SLFN12: variants seen among roughly 807,000 people sequenced by gnomAD.
SLFN12 encodes schlafen family member 12.
Under a neutral mutation model 29.1 loss-of-function variants are expected in SLFN12, and 25 were observed. The ratio of observed to expected loss-of-function variants is 0.86; its 90% CI spans 0.63 to 1.20. The LOEUF is 1.20. Among genes scored for constraint, SLFN12 ranks in the 50% most tolerant of loss-of-function variants. The pLI is 0.00. For synonymous variants in SLFN12, 257 were observed against 238.7 expected (o/e 1.08, Z -0.71); for missense variants, 660 against 666.2 (o/e 0.99, Z 0.10).
In SLFN12 at chr17:35,411,437, G is replaced by A; in HGVS notation, c.1638C>T (p.Asp546=). ...KALKRLKSLR[D]QFSFAENLYQ... The stretch of plus-strand genomic sequence containing the variant: ...ATAGATTTTCTGCAAAGGAAAACTG[G>A]TCTCTCAGAGACTTGAGTCTCTTTA... Residue 546 remains aspartate, a synonymous_variant, in exon 4 of 4, where the codon GAC becomes GAT. Coordinates refer to ENST00000304905, the MANE Select transcript of SLFN12 (RefSeq NM_018042.5). 8.7e-6 allele frequency: 14 copies of A among 1,612,546 alleles called. No individual in the cohort carries two copies. The highest frequency in any genetic ancestry group is 1.1e-5 in the Non-Finnish European group (13 of 1,179,484).
chr17:35,422,723 G>A lies in SLFN12; in HGVS notation c.306C>T (p.Tyr102=). ...EYLDFMQNGN[Y]FLIFVKSWSL... The stretch of plus-strand genomic sequence containing the variant: ...TCCATGACTTCACAAAAATCAGAAA[G>A]TAGTTACCATTCTGCATGAAGTCTA... The change falls in exon 2 of 4, where the codon TAC becomes TAT. Residue 102 remains tyrosine, a synonymous_variant. Transcript: ENST00000304905. The A allele has an allele frequency of 1.9e-6, 3 of 1,614,092 alleles. No homozygotes were observed. Among genetic ancestry groups the A allele is most frequent in the Non-Finnish European group, 2.5e-6 (3 of 1,179,980 alleles).
At chr17:35,430,861 C>T (rs1912278551) in intron 1 of SLFN12, among the ~76,000 whole-genome samples, 1 of 152,138 alleles carries the variant, frequency 6.6e-6, no homozygotes, top group South Asian at 2.1e-4. Context: ...TAAGTGCCAG[C>T]AGCTGCACAG....
At chr17:35,412,178 T>C (rs1226304165) in intron 3 of SLFN12, among the ~76,000 whole-genome samples, 1 of 152,096 alleles carries the variant, frequency 6.6e-6, no homozygotes, top group Admixed American at 6.5e-5. Flanking sequence ...CCTAAGTAGA[T>C]TTTCTATATC....
At chr17:35,425,374 C>T (rs906275397) in intron 1 of SLFN12, among the ~76,000 whole-genome samples, 1 of 152,036 alleles carries the variant, frequency 6.6e-6, no homozygotes, top group Non-Finnish European at 1.5e-5. Context: ...AGCTCTTGAA[C>T]TTATTCCTCC....
At chr17:35,419,649 A>T (rs569025220) in intron 3 of SLFN12, among the ~76,000 whole-genome samples, 22 of 152,264 alleles carry the variant, frequency 1.4e-4, no homozygotes, top group African/African-American at 4.8e-4. Context: ...ACTGGAGAAG[A>T]TGTGGCATTT....
chr17:35,420,424 G>T, intron 2 of SLFN12, 43 bp from the exon 3 acceptor site: 1 of 1,277,008 alleles, frequency 7.8e-7, no homozygotes, highest in South Asian at 1.2e-5. Context: ...GCAGAAGGGA[G>T]ACCCCAACTA....
chr17:35,431,212 A>C (rs1466074904), intron 1 of SLFN12, among the ~76,000 whole-genome samples: 3 of 152,160 alleles, frequency 2.0e-5, no homozygotes, highest in Non-Finnish European at 4.4e-5. Context: ...GAGAAACCAA[A>C]CATTGGTTAT....
At chr17:35,417,484 A>G (rs1455457517) in intron 3 of SLFN12, among the ~76,000 whole-genome samples, 1 of 152,148 alleles carries the variant, frequency 6.6e-6, no homozygotes, top group African/African-American at 2.4e-5. Context: ...TCTGGGGTAC[A>G]TGTGCACAAT....
At chr17:35,412,843 T>A (rs1333443238) in intron 3 of SLFN12, among the ~76,000 whole-genome samples, 4 of 151,812 alleles carry the variant, frequency 2.6e-5, no homozygotes, top group African/African-American at 9.7e-5. Context: ...AAACAAAAAA[T>A]AATAATAAAA....
In SLFN12 at chr17:35,422,041, T is replaced by A; in HGVS notation, c.988A>T (p.Met330Leu). 1 of 1,614,072 alleles carries A rather than the reference T, an allele frequency of 6.2e-7. No individual in the cohort carries two copies. Among genetic ancestry groups the A allele is most frequent in the Non-Finnish European group, 8.5e-7 (1 of 1,180,006 alleles). Reference protein sequence around the residue: ...DSWHVKDNRVMQLTRKEWIQF... With the variant: ...DSWHVKDNRVLQLTRKEWIQF... ...ATCCATTCCTTCCTGGTCAACTGCA[T>A]CACACGGTTATCTTTCACATGCCAG... The change falls in exon 2 of 4, where the codon ATG (methionine) becomes TTG (leucine). Residue 330 changes from methionine (M) to leucine (L), a missense_variant. Physicochemically the swap from Met to Leu is conservative, Grantham distance 15. Coordinates refer to ENST00000304905, the MANE Select transcript of SLFN12 (RefSeq NM_018042.5).
intron 1 of SLFN12, chr17:35,430,683 T>C (rs949416530): frequency 3.3e-5 from 5 of 152,106 alleles, no homozygotes; most frequent in Non-Finnish European, 1.5e-5. Context: ...TACCAAGAGT[T>C]TGGAGGATGC....
chr17:35,422,568 C>T lies in SLFN12; in HGVS notation c.461G>A (p.Gly154Glu). The change falls in exon 2 of 4, where the codon GGG becomes GAG. Residue 154 changes from glycine to glutamate, a missense_variant. Gly to Glu is a moderately conservative substitution (Grantham distance 98). Coordinates refer to ENST00000304905, the MANE Select transcript of SLFN12 (RefSeq NM_018042.5). ...CAATTCTGGTCTTAAATACAATCTC[C>T]CTCTAGTCTTTTTCATGTCTTTGAG... ...EFLKDMKKTR[G>E]RLYLRPELLA... 6.2e-7 allele frequency: 1 copy of T among 1,614,096 alleles called. No homozygotes were observed. The highest frequency in any genetic ancestry group is 8.5e-7 in the Non-Finnish European group (1 of 1,180,018).
chr17:35,424,293 T>C (rs1395106187), intron 1 of SLFN12, among the ~76,000 whole-genome samples: 1 of 152,096 alleles, frequency 6.6e-6, no homozygotes, highest in Non-Finnish European at 1.5e-5. Flanking sequence ...TTTAACTTTT[T>C]TTTAAAGTGT....
chr17:35,420,204 G>T (rs1047397684), intron 3 of SLFN12, 70 bp downstream of exon 3: 22 of 1,095,802 alleles, frequency 2.0e-5, no homozygotes, highest in Non-Finnish European at 3.0e-5. Context: ...TCAAGACTGA[G>T]CTGGTTTGAA....
Position 35,422,772 on chromosome 17 carries a change from A to G in SLFN12, c.257T>C (p.Ile86Thr), listed in dbSNP as rs1239473381. 3.7e-6 allele frequency: 6 copies of G among 1,613,876 alleles called. No individual in the cohort carries two copies. In the Admixed American group the frequency reaches 1.0e-4, roughly 27 times the overall value. ...TAAGTACTCAGGAACAAATAACAGA[A>G]TGTTACTAAAAGAATTTTCCAAATC... ...GLDLENSFSN[I>T]LLFVPEYLDF... The change falls in exon 2 of 4, where the codon ATT (isoleucine) becomes ACT (threonine). Residue 86 changes from isoleucine to threonine, a missense_variant. By Grantham distance (89) the Ile-to-Thr change is moderately conservative. Transcript: ENST00000304905.
chr17:35,411,545 A>G lies in SLFN12; in HGVS notation c.1530T>C (p.Tyr510=). 1.2e-6 allele frequency: 2 copies of G among 1,614,118 alleles called. No homozygotes were observed. Among genetic ancestry groups the G allele is most frequent in the Admixed American group, 1.7e-5 (1 of 60,028 alleles). The change falls in exon 4 of 4, where the codon TAT becomes TAC. Residue 510 remains tyrosine, a synonymous_variant. Coordinates refer to ENST00000304905, the MANE Select transcript of SLFN12 (RefSeq NM_018042.5). ...GGTAAATTACTTGCGACCTTAAATCATACTGGCAGCTTGTCATGCCTTCAG... is the reference window on the plus strand; with the variant it reads ...GGTAAATTACTTGCGACCTTAAATCGTACTGGCAGCTTGTCATGCCTTCAG... ...LSPEGMTSCQ[Y]DLRSQVIYPE...
intron 1 of SLFN12, among the ~76,000 whole-genome samples, chr17:35,428,131 TAG>T (rs1276136361): frequency 6.6e-6 from 1 of 152,150 alleles, no homozygotes; most frequent in Non-Finnish European, 1.5e-5. Flanking sequence ...TGTAAGTATA[TAG>T]AGTGTATATA....
At position 35,432,460 on chromosome 17, in the gene SLFN12, G is replaced by A. The variant is rs2142055222; in HGVS notation, c.-313C>T. On this transcript the variant is annotated 5_prime_UTR_variant, in exon 1 of 4. Transcript: ENST00000304905. The stretch of plus-strand genomic sequence containing the variant: ...TGTGCACACAATGTAAATGAAATAG[G>A]AGCCCGAGATCAGTCTGAATGGTTG... The A allele has an allele frequency of 6.6e-6, 1 of 152,244 alleles. No homozygotes were observed. The highest frequency in any genetic ancestry group is 2.1e-4 in the South Asian group (1 of 4,832). 9.4% of individuals were successfully genotyped at this position (152,244 alleles called of 1,614,324 possible).
Position 35,411,413 on chromosome 17 carries a change from T to C in SLFN12, c.1662A>G (p.Leu554=), listed in dbSNP as rs763297876. The change falls in exon 4 of 4, where the codon CTA becomes CTG. Residue 554 remains leucine, a synonymous_variant. Transcript: ENST00000304905. The stretch of plus-strand genomic sequence containing the variant: ...AGCAATCTATACCGATTATCTGGTA[T>C]AGATTTTCTGCAAAGGAAAACTGGT... ...LRDQFSFAEN[L]YQIIGIDCFQ... is the part of the protein sequence containing the mutation. 1 of 1,610,330 alleles carries C rather than the reference T, an allele frequency of 6.2e-7. No homozygotes were observed. Among genetic ancestry groups the C allele is most frequent in the Admixed American group, 1.7e-5 (1 of 59,184 alleles).
Sources: gnomAD v4.1 joint callset for allele counts (sites outside exome capture counted in the v4.1 genomes callset) on GRCh38, gnomAD v4.1.1 for gene constraint, MANE v1.5 for transcripts, NCBI Gene and HGNC (gene_info 2026-07-23, HGNC 2026-07-21) for gene names.